The following INO80 variants were observed in gnomAD, a reference collection of about 807,000 sequenced individuals.
INO80 encodes the protein chromatin-remodeling ATPase INO80.
INO80 carries 20 observed loss-of-function variants against 203.4 expected under a neutral mutation model. The observed-to-expected ratio is 0.10, with a 90% CI of 0.07 to 0.14. The LOEUF is 0.14. Among genes scored for constraint, INO80 ranks in the 10% least tolerant of loss-of-function variants. INO80 has a pLI of 1.00. For synonymous variants in INO80, 726 were observed against 685.2 expected, an observed-to-expected ratio of 1.06 and a Z score of -0.93; for missense variants, 1,419 against 1,914.4, an observed-to-expected ratio of 0.74 and a Z score of 4.83.
At chr15:41,087,885 A>T (rs917814768) in intron 5 of INO80, among the ~76,000 whole-genome samples, 3 of 152,112 alleles carry the variant, frequency 2.0e-5, no homozygotes, top group Non-Finnish European at 4.4e-5. Context: ...TACACGTAAC[A>T]AGTCACTGAA....
chr15:41,047,452 A>G lies in INO80; in HGVS notation c.2691T>C (p.Ser897=), dbSNP rs780492133. The G allele has an allele frequency of 6.2e-7, 1 of 1,613,530 alleles. No individual in the cohort carries two copies. Among genetic ancestry groups the G allele is most frequent in the Non-Finnish European group, 8.5e-7 (1 of 1,179,814 alleles). The change falls in exon 23 of 36, where the codon TCT becomes TCC. Residue 897 remains serine, a synonymous_variant. Coordinates refer to ENST00000648947, the MANE Select transcript of INO80 (RefSeq NM_017553.3). ...CFSFLRFIDI[S]PAEMANLMLQ... ...GCATAAGGTTTGCCATTTCTGCTGG[A>G]GATATATCAATAAAGCGAAGGAAAG... is the stretch of plus-strand genomic sequence containing the variant.
At chr15:41,104,547 C>CT (rs919327663) in intron 1 of INO80, among the ~76,000 whole-genome samples, 31 of 151,820 alleles carry the variant, frequency 2.0e-4, no homozygotes, top group African/African-American at 6.3e-4. Flanking sequence ...CTTTTCTTTT[C>CT]TTTTTTTTAA....
In INO80 at chr15:41,098,014, C is replaced by T. The variant is rs536678603; in HGVS notation, c.-43-1661G>A. On this transcript the variant is annotated intron_variant, in intron 1 of 35. Transcript: ENST00000648947. ...GATAAGTTTTTTTGTTTATTTGTGG[C>T]GGTTTTTTTGTATTTTTAGTAGAGA... Among the ~76,000 whole-genome samples the T allele has an allele frequency of 7.2e-5, 11 of 152,098 alleles. 1 individual carries two copies. The highest frequency in any genetic ancestry group is 2.6e-4 in the African/African-American group (11 of 41,528).
At chr15:41,029,275 T>G (rs188680137) in intron 24 of INO80, among the ~76,000 whole-genome samples, 1 of 152,242 alleles carries the variant, frequency 6.6e-6, no homozygotes, top group Non-Finnish European at 1.5e-5. Flanking sequence ...CTTCCACTTA[T>G]ACAGCTTTAT....
intron 27 of INO80, among the ~76,000 whole-genome samples, chr15:41,014,661 C>T (rs1426424828): frequency 1.3e-5 from 2 of 152,122 alleles, no homozygotes; most frequent in Admixed American, 6.5e-5. Context: ...ATTCAAGGGG[C>T]TATGAAACCT....
chr15:41,088,123 G>GA, intron 5 of INO80, among the ~76,000 whole-genome samples: 1 of 112,342 alleles, frequency 8.9e-6, no homozygotes, highest in Non-Finnish European at 1.7e-5. Flanking sequence ...ACAGAGTCTT[G>GA]CTCTGTCGCC....
At chr15:41,113,601 C>T (rs1445341410) in intron 1 of INO80, among the ~76,000 whole-genome samples, 1 of 152,082 alleles carries the variant, frequency 6.6e-6, no homozygotes, top group Admixed American at 6.6e-5. Context: ...TCTAACACCA[C>T]AGCTTATAAT....
At chr15:41,105,399 T>C (rs1464245713) in intron 1 of INO80, among the ~76,000 whole-genome samples, 1 of 152,192 alleles carries the variant, frequency 6.6e-6, no homozygotes, top group Non-Finnish European at 1.5e-5. Flanking sequence ...ATATGCCAAA[T>C]GTTTCATATG....
Position 41,113,183 on chromosome 15 carries a change from G to A in INO80, c.-44+2790C>T, listed in dbSNP as rs188733868. ...CGCCTGCTCAGCCTCCCAAAGTGCC[G>A]GGATTACAGGTGTGAGCCACCAAGC... is the stretch of plus-strand genomic sequence containing the variant. On this transcript the variant is annotated intron_variant, in intron 1 of 35. Coordinates refer to ENST00000648947, the MANE Select transcript of INO80 (RefSeq NM_017553.3). Among the ~76,000 whole-genome samples the A allele has an allele frequency of 1.1e-3, 164 of 152,178 alleles. 1 individual carries two copies. The highest frequency in any genetic ancestry group is 4.1e-4 in the Non-Finnish European group (28 of 67,998).
At chr15:40,981,861 C>G (rs1342260250) in intron 35 of INO80, among the ~76,000 whole-genome samples, 1 of 152,210 alleles carries the variant, frequency 6.6e-6, no homozygotes, top group Non-Finnish European at 1.5e-5. Flanking sequence ...TGCTCCTCTT[C>G]CATGGAACCT....
At chr15:41,102,251 G>C (rs2045820971) in intron 1 of INO80, among the ~76,000 whole-genome samples, 2 of 152,108 alleles carry the variant, frequency 1.3e-5, no homozygotes, top group South Asian at 4.1e-4. Flanking sequence ...CCATGCATTT[G>C]CATTTTAAAG....
intron 15 of INO80, among the ~76,000 whole-genome samples, 161 bp downstream of exon 15, chr15:41,059,706 C>T (rs549496155): frequency 1.3e-5 from 2 of 151,878 alleles, no homozygotes; most frequent in African/African-American, 2.4e-5. Context: ...TGATTGCCTA[C>T]AACAGGAAAA....
At chr15:40,998,296 T>C (rs1206564063) in intron 28 of INO80, among the ~76,000 whole-genome samples, 1 of 151,846 alleles carries the variant, frequency 6.6e-6, no homozygotes, top group African/African-American at 2.4e-5. Context: ...GCTGGGATTA[T>C]AGACGCGAGC....
chr15:41,045,037 C>T lies in INO80; in HGVS notation c.2774G>A (p.Arg925Lys). Residue 925 changes from arginine to lysine, a missense_variant, in exon 24 of 36, where the codon AGG becomes AAG. Coordinates refer to ENST00000648947, the MANE Select transcript of INO80 (RefSeq NM_017553.3). ...ALFLSLKASY[R>K]LHQLRSWGAP... ...TCCCCAGGAGCGTAGCTGATGGAGC[C>T]TGTAGGAGGCTTTCAGAGACAGGAA... The T allele has an allele frequency of 6.2e-7, 1 of 1,610,132 alleles. No individual in the cohort carries two copies.
intron 29 of INO80, 114 bp from the exon 30 acceptor site, chr15:40,988,088 T>C: frequency 1.3e-6 from 1 of 797,346 alleles, no homozygotes; most frequent in South Asian, 1.9e-5. Flanking sequence ...CTGATTCGTT[T>C]CTATGATATT....
intron 14 of INO80, among the ~76,000 whole-genome samples, chr15:41,060,248 A>G (rs996836012): frequency 6.6e-6 from 1 of 152,174 alleles, no homozygotes; most frequent in African/African-American, 2.4e-5. Flanking sequence ...TGGCATTACA[A>G]AAGTTCTAGT....
chr15:41,064,642 A>C (rs899681714), intron 14 of INO80, among the ~76,000 whole-genome samples: 1 of 152,192 alleles, frequency 6.6e-6, no homozygotes, highest in Non-Finnish European at 1.5e-5. Context: ...AGTATCCTTA[A>C]ATGTACATCT....
chr15:41,115,872 G>T (rs934016687), intron 1 of INO80, 101 bp downstream of exon 1: 2 of 374,132 alleles, frequency 5.3e-6, no homozygotes, highest in Non-Finnish European at 9.5e-6. Flanking sequence ...CGGGGGCGAC[G>T]GCCCCTTTAA....
At chr15:41,016,554 C>A (rs2044213717) in intron 26 of INO80, among the ~76,000 whole-genome samples, 3 of 152,232 alleles carry the variant, frequency 2.0e-5, no homozygotes, top group Admixed American at 2.0e-4. Flanking sequence ...TGTCAATCTG[C>A]TGTTAAGTGA....
Sources: gnomAD v4.1 joint callset for allele counts (sites outside exome capture counted in the v4.1 genomes callset) on GRCh38, gnomAD v4.1.1 for gene constraint, MANE v1.5 for transcripts, NCBI Gene and HGNC (gene_info 2026-07-23, HGNC 2026-07-21) for gene names.